Variants in XPR1 observed in about 807,000 individuals in gnomAD.
XPR1 encodes the protein solute carrier family 53 member 1.
Under a neutral mutation model 87.5 loss-of-function variants are expected in XPR1, and 28 were observed. That is an observed-to-expected ratio of 0.32 (90% confidence interval 0.24 to 0.44). The LOEUF (loss-of-function observed/expected upper bound fraction) is 0.44, where lower values mean the gene tolerates loss of function less well. Ranked by LOEUF, XPR1 falls within the 20% of genes least tolerant of loss-of-function variation. The pLI is 1.00. For missense variants in XPR1, 559 were observed against 862.3 expected (o/e 0.65, Z 4.41); for synonymous variants, 300 against 306.1 (o/e 0.98, Z 0.21).
rs889771437 is a variant in XPR1 at position 180,886,471 on chromosome 1, G to C, written c.*2405G>C. On this transcript the variant is annotated 3_prime_UTR_variant, in exon 15 of 15. Coordinates refer to ENST00000367590, the MANE Select transcript of XPR1 (RefSeq NM_004736.4). ...TGTTTTTACATTAATGTATCCTATG[G>C]CCAGTTTAGTCTTTCTTCAACTGTT... is the stretch of plus-strand genomic sequence containing the variant. The C allele has an allele frequency of 6.6e-6, 1 of 152,136 alleles. No homozygotes were observed. Among genetic ancestry groups the C allele is most frequent in the African/African-American group, 2.4e-5 (1 of 41,420 alleles). The allele number at this position is 152,136 out of a possible 1,614,324, so 9.4% of individuals were successfully genotyped here.
chr1:180,738,467 A>T (rs1658801927), intron 2 of XPR1, among the ~76,000 whole-genome samples: 1 of 152,186 alleles, frequency 6.6e-6, no homozygotes. Context: ...TATAAATAGG[A>T]TCTCATTGCA....
At chr1:180,796,079 A>T (rs564401517) in intron 3 of XPR1, among the ~76,000 whole-genome samples, 125 of 152,248 alleles carry the variant, frequency 8.2e-4, no homozygotes, top group Non-Finnish European at 1.7e-3. Context: ...AAGTGCTGGG[A>T]TTACAGGCGT....
intron 11 of XPR1, among the ~76,000 whole-genome samples, chr1:180,860,428 T>C (rs1453882969): frequency 6.6e-6 from 1 of 152,136 alleles, no homozygotes; most frequent in Non-Finnish European, 1.5e-5. Flanking sequence ...TTTTTTGGAA[T>C]TGTCAAAAAC....
chr1:180,880,076 G>A lies in XPR1; in HGVS notation c.1809G>A (p.Arg603=). ...ATVFAPLEVF[R]RFVWNFFRLE... is the part of the protein sequence containing the mutation. ...CTTTGATCTACCCCATTTTGCTAAG[G>A]CGATTTGTGTGGAACTTCTTCCGCC... Residue 603 remains arginine (R), a splice_region_variant and synonymous_variant, in exon 14 of 15, where the codon CGG becomes CGA. Transcript: ENST00000367590. 2 of 1,614,092 alleles carry A rather than the reference G, an allele frequency of 1.2e-6. No homozygotes were observed. Among genetic ancestry groups the A allele is most frequent in the Non-Finnish European group, 1.7e-6 (2 of 1,180,026 alleles).
At chr1:180,798,811 A>G (rs561333956) in intron 3 of XPR1, among the ~76,000 whole-genome samples, 2 of 152,162 alleles carry the variant, frequency 1.3e-5, no homozygotes, top group East Asian at 3.9e-4. Context: ...ATCTGATTTT[A>G]CCATGTTGGT....
chr1:180,729,148 A>G (rs527297418), intron 2 of XPR1, among the ~76,000 whole-genome samples: 167 of 152,316 alleles, frequency 1.1e-3, no homozygotes, highest in Non-Finnish European at 1.7e-3. Flanking sequence ...AGCTCCAGCT[A>G]TGTTCCTGCA....
In XPR1 at chr1:180,819,864, A is replaced by G. The variant is rs576099468; in HGVS notation, c.764-4889A>G. On this transcript the variant is annotated intron_variant, in intron 7 of 14. Coordinates refer to ENST00000367590, the MANE Select transcript of XPR1 (RefSeq NM_004736.4). The stretch of plus-strand genomic sequence containing the variant: ...AAAACCCCGTCTCTACTAAAATTAC[A>G]AAAAAATTCCCTGGGTGTGGTGGTG... Among the ~76,000 whole-genome samples the G allele has an allele frequency of 7.4e-4, 113 of 152,072 alleles. 1 individual carries two copies. Among genetic ancestry groups the G allele is most frequent in the African/African-American group, 2.6e-3 (106 of 41,462 alleles).
chr1:180,844,573 C>T (rs1651616783), intron 11 of XPR1, among the ~76,000 whole-genome samples: 1 of 152,200 alleles, frequency 6.6e-6, no homozygotes, highest in Admixed American at 6.5e-5. Flanking sequence ...CTATTAACAG[C>T]ATAATAAACC....
At chr1:180,757,577 T>C (rs1161846419) in intron 2 of XPR1, among the ~76,000 whole-genome samples, 1 of 150,262 alleles carries the variant, frequency 6.7e-6, no homozygotes, top group Non-Finnish European at 1.5e-5. Flanking sequence ...GGCCCAATCA[T>C]GGTTCACTGC....
At chr1:180,742,231 G>A (rs187382826) in intron 2 of XPR1, among the ~76,000 whole-genome samples, 104 of 152,102 alleles carry the variant, frequency 6.8e-4, no homozygotes, top group Middle Eastern at 3.4e-3. Flanking sequence ...TAAAGTGGAA[G>A]CTTAGATTAG....
rs12737645 is a variant in XPR1, at chr1:180,801,871, A to G, written c.224-1517A>G. ...TCTCGGCTCACTGCAGCCTCTGCTC[A>G]CTGCAACCTCTGCCTCCCGAATTCA... On this transcript the variant is annotated intron_variant, in intron 3 of 14. Transcript: ENST00000367590. Among the ~76,000 whole-genome samples the G allele has an allele frequency of 8.5e-3, 1,276 of 150,202 alleles. 10 individuals are homozygous for G. Among genetic ancestry groups the G allele is most frequent in the Non-Finnish European group, 0.014 (947 of 67,734 alleles).
chr1:180,691,301 T>G (rs1178645640), intron 2 of XPR1, among the ~76,000 whole-genome samples: 1 of 152,154 alleles, frequency 6.6e-6, no homozygotes, highest in Admixed American at 6.6e-5. Context: ...TGAAAGACCA[T>G]ATGTGAGTTG....
chr1:180,750,311 AG>A (rs1362107377), intron 2 of XPR1, among the ~76,000 whole-genome samples: 1 of 152,136 alleles, frequency 6.6e-6, no homozygotes, highest in African/African-American at 2.4e-5. Flanking sequence ...CAGCTCCCAA[AG>A]GGGAAGAACT....
chr1:180,841,418 T>C (rs984869921), intron 11 of XPR1, among the ~76,000 whole-genome samples: 1 of 152,058 alleles, frequency 6.6e-6, no homozygotes, highest in African/African-American at 2.4e-5. Flanking sequence ...GTGGAGATAA[T>C]GGTACCTATT....
chr1:180,780,047 G>A (rs1648877200), intron 2 of XPR1, among the ~76,000 whole-genome samples: 1 of 152,114 alleles, frequency 6.6e-6, no homozygotes, highest in Non-Finnish European at 1.5e-5. Context: ...GTATGGATAT[G>A]CTACATTTTG....
chr1:180,748,805 A>G (rs1170592497), intron 2 of XPR1, among the ~76,000 whole-genome samples: 1 of 152,208 alleles, frequency 6.6e-6, no homozygotes, highest in Non-Finnish European at 1.5e-5. Context: ...CAGTGATGTC[A>G]TATTGGTAGC....
At position 180,679,111 on chromosome 1, in the gene XPR1, C is replaced by T. The variant is rs538126343; in HGVS notation, c.70-3249C>T. Among the ~76,000 whole-genome samples, 276 of 152,170 alleles carry T rather than the reference C, an allele frequency of 1.8e-3. 4 individuals carry two copies. Among genetic ancestry groups the T allele is most frequent in the Admixed American group, 0.018 (268 of 15,278 alleles). ...TCGGGAGGCTGAGGCAGGAGAATGG[C>T]GTGAACCCAGGAGGCGGAGCTTGCA... On this transcript the variant is annotated intron_variant, in intron 1 of 14. Transcript: ENST00000367590.
In XPR1 at chr1:180,880,063, C is replaced by T. The variant is rs377085359; in HGVS notation, c.1809-13C>T. ...AATTTCATAAGTACTTTGATCTACCCCATTTTGCTAAGGCGATTTGTGTGG... is the reference window on the plus strand; with the variant it reads ...AATTTCATAAGTACTTTGATCTACCTCATTTTGCTAAGGCGATTTGTGTGG... On this transcript the variant is annotated splice_polypyrimidine_tract_variant and intron_variant, in intron 13 of 14. Coordinates refer to ENST00000367590, the MANE Select transcript of XPR1 (RefSeq NM_004736.4). 8 of 1,613,900 alleles carry T rather than the reference C, an allele frequency of 5.0e-6. No homozygotes were observed. The African/African-American group carries it at 5.3e-5, about 11-fold the overall frequency.
chr1:180,799,392 C>T (rs1649701409), intron 3 of XPR1, among the ~76,000 whole-genome samples: 1 of 152,154 alleles, frequency 6.6e-6, no homozygotes, highest in Admixed American at 6.5e-5. Flanking sequence ...AGAGTCTTGT[C>T]TCCCAACTTT....
Sources: allele counts gnomAD v4.1 joint callset (sites outside exome capture counted in the v4.1 genomes callset), GRCh38; gene constraint gnomAD v4.1.1; transcripts MANE v1.5; gene names NCBI Gene and HGNC (gene_info 2026-07-23, HGNC 2026-07-21).